PTPRD: variants seen among roughly 807,000 people sequenced by gnomAD.
PTPRD encodes receptor-type tyrosine-protein phosphatase delta.
Under a neutral mutation model 214.5 loss-of-function variants are expected in PTPRD, and 34 were observed. The observed-to-expected ratio is 0.16, with a 90% CI of 0.12 to 0.21. The LOEUF (loss-of-function observed/expected upper bound fraction) is 0.21, where lower values mean the gene tolerates loss of function less well. Ranked by LOEUF, PTPRD falls within the 10% of genes least tolerant of loss-of-function variation. The pLI is 1.00. For missense variants in PTPRD, 2,545 were observed against 2,398.7 expected (o/e 1.06, Z -1.27); for synonymous variants, 1,128 against 845.7 (o/e 1.33, Z -5.79).
intron 2 of PTPRD, among the ~76,000 whole-genome samples, chr9:10,409,808 G>T (rs905832533): frequency 6.6e-6 from 1 of 151,680 alleles, no homozygotes. Context: ...ATAGAGACAG[G>T]ATCTAAGGCC....
chr9:8,549,202 T>C (rs980251296), intron 14 of PTPRD, among the ~76,000 whole-genome samples: 1 of 152,196 alleles, frequency 6.6e-6, no homozygotes, highest in Non-Finnish European at 1.5e-5. Flanking sequence ...AGAGATGAGT[T>C]AGACGCATAC....
At chr9:10,278,132 G>T (rs753980186) in intron 3 of PTPRD, among the ~76,000 whole-genome samples, 1 of 144,382 alleles carries the variant, frequency 6.9e-6, no homozygotes, top group Non-Finnish European at 1.5e-5. Flanking sequence ...CTCCAGCCTG[G>T]GCGACAGAGC....
chr9:9,035,758 T>C (rs1281060668), intron 10 of PTPRD, among the ~76,000 whole-genome samples: 1 of 152,154 alleles, frequency 6.6e-6, no homozygotes, highest in African/African-American at 2.4e-5. Context: ...GGGTGTGATT[T>C]TTTTTTTCTT....
At chr9:10,050,818 G>A (rs891560835) in intron 3 of PTPRD, among the ~76,000 whole-genome samples, 5 of 151,878 alleles carry the variant, frequency 3.3e-5, no homozygotes, top group African/African-American at 1.2e-4. Context: ...AATTTTGGGT[G>A]AGTTGTGGGT....
At chr9:8,649,528 T>C (rs2096762945) in intron 12 of PTPRD, among the ~76,000 whole-genome samples, 2 of 152,206 alleles carry the variant, frequency 1.3e-5, no homozygotes, top group African/African-American at 2.4e-5. Context: ...TGTGTACACA[T>C]GCAGACACTT....
At chr9:8,668,981 C>G in intron 12 of PTPRD, among the ~76,000 whole-genome samples, 1 of 152,106 alleles carries the variant, frequency 6.6e-6, no homozygotes, top group Non-Finnish European at 1.5e-5. Context: ...CCCCAGCTGT[C>G]ACAAGAAGAG....
At chr9:8,757,455 A>T (rs1207756694) in intron 11 of PTPRD, among the ~76,000 whole-genome samples, 1 of 152,000 alleles carries the variant, frequency 6.6e-6, no homozygotes, top group East Asian at 1.9e-4. Flanking sequence ...CAAATACCAT[A>T]TACCATACAG....
chr9:10,209,242 G>C (rs928221247), intron 3 of PTPRD, among the ~76,000 whole-genome samples: 4 of 152,138 alleles, frequency 2.6e-5, no homozygotes, highest in Non-Finnish European at 5.9e-5. Context: ...AAAATATCTA[G>C]GCAGAGAAAA....
At chr9:10,512,436 G>A (rs2048609226) in intron 2 of PTPRD, among the ~76,000 whole-genome samples, 2 of 152,026 alleles carry the variant, frequency 1.3e-5, no homozygotes, top group Admixed American at 1.3e-4. Flanking sequence ...TAATGGAAAG[G>A]GCCGGAGGAA....
chr9:8,960,047 TA>T (rs2099150859), intron 11 of PTPRD, among the ~76,000 whole-genome samples: 2 of 152,070 alleles, frequency 1.3e-5, no homozygotes, highest in African/African-American at 4.8e-5. Flanking sequence ...ATTGTAGGGT[TA>T]AAGGCATGCT....
intron 10 of PTPRD, among the ~76,000 whole-genome samples, chr9:9,065,587 A>T (rs899263228): frequency 6.6e-6 from 1 of 152,184 alleles, no homozygotes; most frequent in African/African-American, 2.4e-5. Context: ...ACAATATCTG[A>T]GTTATAATGT....
At chr9:9,006,815 T>C (rs10977438) in intron 11 of PTPRD, among the ~76,000 whole-genome samples, 15,461 of 152,002 alleles carry the variant, frequency 0.1, 920 homozygotes, top group East Asian at 0.23. Flanking sequence ...TTTTATAGTA[T>C]GGAAAAAAAC....
At chr9:9,604,455 A>G (rs1215538065) in intron 7 of PTPRD, among the ~76,000 whole-genome samples, 1 of 152,092 alleles carries the variant, frequency 6.6e-6, no homozygotes, top group East Asian at 1.9e-4. Context: ...TCTGATTATA[A>G]CAAATTATTT....
At chr9:10,248,197 A>G (rs1300383267) in intron 3 of PTPRD, among the ~76,000 whole-genome samples, 1 of 152,230 alleles carries the variant, frequency 6.6e-6, no homozygotes, top group Non-Finnish European at 1.5e-5. Context: ...ACGGACTAAT[A>G]CATACAGAGT....
chr9:10,352,064 G>A (rs2097192938), intron 2 of PTPRD, among the ~76,000 whole-genome samples: 1 of 151,878 alleles, frequency 6.6e-6, no homozygotes, highest in Admixed American at 6.6e-5. Flanking sequence ...GAATAAAGTG[G>A]CTTCTTATTC....
intron 2 of PTPRD, among the ~76,000 whole-genome samples, chr9:10,470,549 C>T (rs1228006600): frequency 1.3e-5 from 2 of 152,032 alleles, no homozygotes; most frequent in African/African-American, 4.8e-5. Context: ...TTCCTGATAG[C>T]GGTGACTCCT....
At chr9:8,411,483 T>C (rs555228868) in intron 35 of PTPRD, among the ~76,000 whole-genome samples, 157 of 152,202 alleles carry the variant, frequency 1.0e-3, no homozygotes, top group African/African-American at 3.6e-3. Flanking sequence ...TTTGTATTTT[T>C]AGTAGAGGCA....
chr9:8,988,983 A>C (rs575277434), intron 11 of PTPRD, among the ~76,000 whole-genome samples: 11 of 152,240 alleles, frequency 7.2e-5, no homozygotes, highest in African/African-American at 2.6e-4. Context: ...AAATGTTTAC[A>C]TAAGTTCTTT....
At chr9:9,150,670 A>G (rs114988124) in intron 10 of PTPRD, among the ~76,000 whole-genome samples, 5,131 of 151,658 alleles carry the variant, frequency 0.034, 309 homozygotes, top group African/African-American at 0.12. Flanking sequence ...GTACAGACGG[A>G]GTTTCACTGG....
Sources: allele counts gnomAD v4.1 joint callset (sites outside exome capture counted in the v4.1 genomes callset), GRCh38; gene constraint gnomAD v4.1.1; transcripts MANE v1.5; gene names NCBI Gene and HGNC (gene_info 2026-07-23, HGNC 2026-07-21).